Variants in ADAP2 observed in about 807,000 individuals in gnomAD.
ADAP2 encodes the protein ArfGAP with dual PH domains 2, also known as arf-GAP with dual PH domain-containing protein 2.
ADAP2 carries 42 observed loss-of-function variants against 54.9 expected under a neutral mutation model. The observed-to-expected ratio is 0.77, with a 90% CI of 0.60 to 0.99. The LOEUF is 0.99. Ranked by LOEUF, ADAP2 falls within the 50% of genes least tolerant of loss-of-function variation. ADAP2 has a pLI of 0.00. For missense variants in ADAP2, 429 were observed against 480.4 expected (o/e 0.89, Z 1.00); for synonymous variants, 177 against 180.1 (o/e 0.98, Z 0.14).
chr17:30,959,130 G>C lies in ADAP2; in HGVS notation c.*1261G>C, dbSNP rs529449304. The C allele has an allele frequency of 6.6e-6, 1 of 152,314 alleles. No homozygotes were observed. The highest frequency in any genetic ancestry group is 1.5e-5 in the Non-Finnish European group (1 of 68,044). The allele number at this position is 152,314 out of a possible 1,614,324, so 9.4% of individuals were successfully genotyped here. A position where few individuals can be genotyped will look rare whatever the true frequency, so the allele number is the denominator to read the frequency against. ...GCCTCTTTGACCACCTGTGAACTCT[G>C]TTGGGTGTACTCTGCTAAGTTCTGG... On this transcript the variant is annotated 3_prime_UTR_variant, in exon 11 of 11. Coordinates refer to ENST00000330889, the MANE Select transcript of ADAP2 (RefSeq NM_018404.3).
intron 2 of ADAP2, 30 bp downstream of exon 2, chr17:30,923,100 G>A (rs1260482948): frequency 1.9e-6 from 3 of 1,611,560 alleles, no homozygotes; most frequent in Non-Finnish European, 1.7e-6. Context: ...GAGAGCCATG[G>A]AACTGCGGGA....
intron 1 of ADAP2, 86 bp downstream of exon 1, chr17:30,922,194 C>A: frequency 9.9e-7 from 1 of 1,008,056 alleles, no homozygotes; most frequent in South Asian, 4.8e-5. Flanking sequence ...CACCGGGTCC[C>A]GCCCTCGGCC....
intron 6 of ADAP2, among the ~76,000 whole-genome samples, chr17:30,947,724 A>G (rs1912780137): frequency 6.6e-6 from 1 of 152,344 alleles, no homozygotes; most frequent in South Asian, 2.1e-4. Context: ...TGCTTCGCCT[A>G]TGAGAGAGAA....
intron 5 of ADAP2, 42 bp downstream of exon 5, chr17:30,934,339 C>T: frequency 7.4e-7 from 1 of 1,360,006 alleles, no homozygotes; most frequent in Non-Finnish European, 1.0e-6. Flanking sequence ...TTCCTGAGCA[C>T]TCTCACCCGA....
At chr17:30,945,228 G>A (rs776452410) in intron 6 of ADAP2, among the ~76,000 whole-genome samples, 175 bp downstream of exon 6, 2 of 152,176 alleles carry the variant, frequency 1.3e-5, no homozygotes, top group African/African-American at 2.4e-5. Context: ...ATATGAGGAG[G>A]GCAGGGTGAG....
intron 5 of ADAP2, among the ~76,000 whole-genome samples, chr17:30,943,204 A>G (rs1241757753): frequency 6.6e-6 from 1 of 152,094 alleles, no homozygotes; most frequent in Non-Finnish European, 1.5e-5. Flanking sequence ...TGTCTCTACT[A>G]AAAATACAAA....
chr17:30,939,091 A>C (rs528341958), intron 5 of ADAP2, among the ~76,000 whole-genome samples: 133 of 152,314 alleles, frequency 8.7e-4, no homozygotes, highest in African/African-American at 2.9e-3. Context: ...CCAGTCTTCA[A>C]TGTAAAGCAC....
chr17:30,945,288 C>A (rs549086869), intron 6 of ADAP2, among the ~76,000 whole-genome samples: 1 of 152,342 alleles, frequency 6.6e-6, no homozygotes, highest in African/African-American at 2.4e-5. Flanking sequence ...GGACAGTGCA[C>A]AGCCACCAAT....
chr17:30,925,415 A>C lies in ADAP2; in HGVS notation c.226-1412A>C, dbSNP rs971613364. On this transcript the variant is annotated intron_variant, in intron 2 of 10. Coordinates refer to ENST00000330889, the MANE Select transcript of ADAP2 (RefSeq NM_018404.3). ...CATGTTGGCCAGGCTGGTCTTGAAC[A>C]CCTGACCTGAGGTGATCCACCTGCC... is the stretch of plus-strand genomic sequence containing the variant. 1.1e-4 allele frequency among the ~76,000 whole-genome samples: 15 copies of C among 142,662 alleles called. No homozygotes were observed. The South Asian group carries it at 2.4e-3, about 23-fold the overall frequency. The allele number at this position is 142,662 out of a possible 152,430, so 93.6% of individuals were successfully genotyped here.
intron 7 of ADAP2, among the ~76,000 whole-genome samples, chr17:30,949,741 T>G (rs1598052614): frequency 9.2e-6 from 1 of 108,564 alleles, no homozygotes; most frequent in South Asian, 2.8e-4. Flanking sequence ...AGAGTGAGAC[T>G]CCGTCTCAAA....
In ADAP2 at chr17:30,959,171, T is replaced by TA. The variant is rs1370242004; in HGVS notation, c.*1305dup. On this transcript the variant is annotated 3_prime_UTR_variant, in exon 11 of 11. Transcript: ENST00000330889. ...TAAGTTCTGGGGATGAGGAAATTAATAAAGGTACAGTCTTGCCTTCAAGGA... is the reference window on the plus strand; with the variant it reads ...TAAGTTCTGGGGATGAGGAAATTAATAAAAGGTACAGTCTTGCCTTCAAGGA... 2.0e-5 allele frequency: 3 copies of TA among 152,158 alleles called. No individual in the cohort carries two copies. Among genetic ancestry groups the TA allele is most frequent in the Non-Finnish European group, 4.4e-5 (3 of 68,046 alleles). The allele number at this position is 152,158 out of a possible 1,614,324, so 9.4% of individuals were successfully genotyped here.
chr17:30,947,826 A>C (rs1567724024), intron 6 of ADAP2, among the ~76,000 whole-genome samples: 1 of 152,182 alleles, frequency 6.6e-6, no homozygotes. Flanking sequence ...CTATTTGAAC[A>C]AGCCTTTAGC....
chr17:30,950,235 C>G (rs1050320260), intron 7 of ADAP2, among the ~76,000 whole-genome samples: 1 of 152,190 alleles, frequency 6.6e-6, no homozygotes, highest in African/African-American at 2.4e-5. Context: ...CAGGTATGCC[C>G]TTCATGGCCA....
At chr17:30,927,602 G>A (rs1413916660) in intron 3 of ADAP2, among the ~76,000 whole-genome samples, 1 of 146,768 alleles carries the variant, frequency 6.8e-6, no homozygotes, top group African/African-American at 2.6e-5. Context: ...GCAACACAGC[G>A]AGACTCCGGC....
chr17:30,948,901 C>T (rs111431912), intron 6 of ADAP2, among the ~76,000 whole-genome samples: 3,147 of 152,296 alleles, frequency 0.021, 110 homozygotes, highest in African/African-American at 0.073. Context: ...CACCTGAGAG[C>T]GTGTTAGGAA....
intron 5 of ADAP2, among the ~76,000 whole-genome samples, chr17:30,944,542 C>T (rs1205314542): frequency 6.6e-6 from 1 of 152,208 alleles, no homozygotes; most frequent in Non-Finnish European, 1.5e-5. Flanking sequence ...TCACTGCAAC[C>T]TCCACCTCCC....
intron 7 of ADAP2, among the ~76,000 whole-genome samples, chr17:30,951,264 A>T (rs1354521951): frequency 6.6e-6 from 1 of 151,656 alleles, no homozygotes; most frequent in Non-Finnish European, 1.5e-5. Flanking sequence ...CTATTGTGAG[A>T]CTCCAGCGAG....
intron 3 of ADAP2, among the ~76,000 whole-genome samples, chr17:30,931,646 C>T (rs1911488978): frequency 6.6e-6 from 1 of 151,836 alleles, no homozygotes; most frequent in South Asian, 2.1e-4. Flanking sequence ...CATAGGGAGA[C>T]CCCCATCTCT....
At chr17:30,935,261 G>A (rs1040715172) in intron 5 of ADAP2, among the ~76,000 whole-genome samples, 5 of 152,116 alleles carry the variant, frequency 3.3e-5, no homozygotes, top group Admixed American at 2.6e-4. Flanking sequence ...CCAGCTACTC[G>A]GGAGACTGAG....
Sources: gnomAD v4.1 joint callset for allele counts (sites outside exome capture counted in the v4.1 genomes callset) on GRCh38, gnomAD v4.1.1 for gene constraint, MANE v1.5 for transcripts, NCBI Gene and HGNC (gene_info 2026-07-23, HGNC 2026-07-21) for gene names.